Variants in SAMD3 observed in about 807,000 individuals in gnomAD.
SAMD3 encodes the protein sterile alpha motif domain containing 3.
A neutral mutation model predicts 58.5 loss-of-function variants in SAMD3; 63 were observed. The ratio of observed to expected loss-of-function variants is 1.08; its 90% CI spans 0.88 to 1.33. SAMD3 has a LOEUF of 1.33. Ranked by LOEUF, SAMD3 falls within the 40% of genes most tolerant of loss-of-function variation. SAMD3 has a pLI of 0.00. For missense variants in SAMD3, 604 were observed against 608.4 expected (o/e 0.99, Z 0.08); for synonymous variants, 220 against 210.3 (o/e 1.05, Z -0.40).
chr6:130,270,319 C>G (rs917947884), intron 2 of SAMD3, among the ~76,000 whole-genome samples: 3 of 152,204 alleles, frequency 2.0e-5, no homozygotes, highest in Non-Finnish European at 4.4e-5. Flanking sequence ...TCTCAAACTC[C>G]TGGCCTCAAG....
Position 130,180,953 on chromosome 6 carries a change from C to CTTTTTTTTTTTTTTTTT in SAMD3, c.654+3149_654+3150insAAAAAAAAAAAAAAAAA. 7.2e-4 allele frequency among the ~76,000 whole-genome samples: 84 copies of CTTTTTTTTTTTTTTTTT among 117,370 alleles called. 2 individuals carry two copies. Among genetic ancestry groups the CTTTTTTTTTTTTTTTTT allele is most frequent in the African/African-American group, 1.0e-3 (32 of 31,614 alleles). 77.0% of individuals were successfully genotyped at this position (117,370 alleles called of 152,430 possible). On this transcript the variant is annotated intron_variant, in intron 7 of 11. Coordinates refer to ENST00000439090, the MANE Select transcript of SAMD3 (RefSeq NM_001017373.4). ...TTTTCTTTTTTCTTTTTCTTTCTTT[C>CTTTTTTTTTTTTTTTTT]TTTTTTCTTTTGAGACGGAGTTCCG...
chr6:130,334,146 T>G (rs1777031160), intron 1 of SAMD3, among the ~76,000 whole-genome samples: 2 of 152,198 alleles, frequency 1.3e-5, no homozygotes, highest in African/African-American at 4.8e-5. Flanking sequence ...ATTCTCTGAT[T>G]TCAAGTGGCT....
In SAMD3 at chr6:130,300,281, T is replaced by G. The variant is rs531552449; in HGVS notation, c.-188+12697A>C. ...ATCACAATCAAGAGGGTTTTATTCC[T>G]GGGATGCAAGGATGTTTCAACATAT... On this transcript the variant is annotated intron_variant, in intron 2 of 13. Coordinates refer to the SAMD3 transcript ENST00000368134. Among the ~76,000 whole-genome samples, 6 of 152,304 alleles carry G rather than the reference T, an allele frequency of 3.9e-5. No individual in the cohort carries two copies. In the South Asian group the frequency reaches 1.2e-3, roughly 32 times the overall value.
chr6:130,178,492 AT>A (rs539340699), intron 7 of SAMD3, among the ~76,000 whole-genome samples: 57 of 152,202 alleles, frequency 3.7e-4, no homozygotes, highest in African/African-American at 1.3e-3. Context: ...TCTAAGCTCT[AT>A]TTCCTCATGG....
intron 5 of SAMD3, among the ~76,000 whole-genome samples, chr6:130,198,476 T>G (rs1475536690): frequency 1.3e-5 from 2 of 152,166 alleles, no homozygotes; most frequent in African/African-American, 4.8e-5. Context: ...CCCAAAGTGT[T>G]GGAATTAGAG....
chr6:130,218,842 C>T (rs989076112), intron 1 of SAMD3, among the ~76,000 whole-genome samples: 9 of 152,012 alleles, frequency 5.9e-5, no homozygotes, highest in African/African-American at 2.2e-4. Context: ...GTTTTGGAAC[C>T]TCAGGGAGGA....
intron 8 of SAMD3, among the ~76,000 whole-genome samples, chr6:130,174,390 C>T (rs1202963167): frequency 6.6e-6 from 1 of 152,206 alleles, no homozygotes; most frequent in African/African-American, 2.4e-5. Flanking sequence ...CACAGTCCCT[C>T]ATGGCTTCCT....
chr6:130,357,368 C>T (rs1047118399), intron 1 of SAMD3, among the ~76,000 whole-genome samples: 2 of 152,054 alleles, frequency 1.3e-5, no homozygotes, highest in African/African-American at 4.8e-5. Context: ...TCATGATCTG[C>T]CCGCCTCGGC....
chr6:130,226,777 G>A (rs1048095376), upstream of SAMD3, among the ~76,000 whole-genome samples: 6 of 152,006 alleles, frequency 3.9e-5, no homozygotes, highest in African/African-American at 9.7e-5. Flanking sequence ...GCAGTGAGCC[G>A]AGATCATGCC....
At chr6:130,183,356 A>G (rs1270597956) in intron 7 of SAMD3, 1 of 450,730 alleles carries the variant, frequency 2.2e-6, no homozygotes, top group East Asian at 7.0e-5. Context: ...AAAAGGAAAA[A>G]AAAAAAAAAG....
At chr6:130,199,991 A>G (rs1370248611) in intron 5 of SAMD3, among the ~76,000 whole-genome samples, 1 of 152,132 alleles carries the variant, frequency 6.6e-6, no homozygotes, top group Non-Finnish European at 1.5e-5. Context: ...ATCAGGCACC[A>G]TGTCTTGGCA....
intron 5 of SAMD3, among the ~76,000 whole-genome samples, chr6:130,204,104 A>C (rs1794866350): frequency 1.3e-5 from 2 of 152,232 alleles, no homozygotes; most frequent in Non-Finnish European, 2.9e-5. Context: ...TGAAACCATG[A>C]CTAATTTATA....
chr6:130,306,360 T>G (rs1311940857), intron 2 of SAMD3, among the ~76,000 whole-genome samples: 2 of 152,176 alleles, frequency 1.3e-5, no homozygotes, highest in Non-Finnish European at 2.9e-5. Context: ...AAGGAAAGAT[T>G]AATTACCCAA....
intron 1 of SAMD3, among the ~76,000 whole-genome samples, chr6:130,315,732 G>C (rs957174802): frequency 6.6e-6 from 1 of 151,896 alleles, no homozygotes; most frequent in Non-Finnish European, 1.5e-5. Context: ...TAAACATTTT[G>C]CATAGTATTT....
At position 130,144,394 on chromosome 6, in the gene SAMD3, A is replaced by T. The variant is rs1362744573; in HGVS notation, c.*126T>A. 14 of 794,410 alleles carry T rather than the reference A, an allele frequency of 1.8e-5. No individual in the cohort carries two copies. Among genetic ancestry groups the T allele is most frequent in the Non-Finnish European group, 2.4e-5 (12 of 509,290 alleles). The allele number at this position is 794,410 out of a possible 1,614,324, so 49.2% of individuals were successfully genotyped here. A position where few individuals can be genotyped will look rare whatever the true frequency, so the allele number is the denominator to read the frequency against. On this transcript the variant is annotated 3_prime_UTR_variant, in exon 12 of 12. Transcript: ENST00000439090. ...GTAAAGATAGAAAGCATTGAAATTC[A>T]TTAGCATCTATAAATACAAGATGAT...
intron 8 of SAMD3, among the ~76,000 whole-genome samples, chr6:130,163,367 C>G (rs1790434038): frequency 6.6e-6 from 1 of 152,162 alleles, no homozygotes. Flanking sequence ...TTTCCTCATA[C>G]CAAATCCCAG....
rs529846026 is a variant in SAMD3, at chr6:130,189,848, G to T, written c.384-5225C>A. On this transcript the variant is annotated intron_variant, in intron 5 of 11. Coordinates refer to ENST00000439090, the MANE Select transcript of SAMD3 (RefSeq NM_001017373.4). ...AAAAACAGAATGCAGGTTTTGAAAA[G>T]AAGCCTACACTTAGAACAAGAGGAA... Among the ~76,000 whole-genome samples, 5 of 152,322 alleles carry T rather than the reference G, an allele frequency of 3.3e-5. No homozygotes were observed. In the South Asian group the frequency reaches 6.2e-4, roughly 19 times the overall value.
chr6:130,162,191 C>A (rs1790338329), intron 8 of SAMD3: 1 of 694,872 alleles, frequency 1.4e-6, no homozygotes, highest in South Asian at 1.5e-5. Context: ...TCTCTCTACT[C>A]CAACACCACA....
intron 1 of SAMD3, among the ~76,000 whole-genome samples, chr6:130,360,513 G>C (rs1777953859): frequency 6.6e-6 from 1 of 152,210 alleles, no homozygotes; most frequent in Non-Finnish European, 1.5e-5. Context: ...TGTACGAATA[G>C]GGTGTGGGTC....
Sources: allele counts gnomAD v4.1 joint callset (sites outside exome capture counted in the v4.1 genomes callset), GRCh38; gene constraint gnomAD v4.1.1; transcripts MANE v1.5; gene names NCBI Gene and HGNC (gene_info 2026-07-23, HGNC 2026-07-21).